The following KIAA1217 variants were observed in gnomAD, a reference collection of about 807,000 sequenced individuals.
The protein encoded by KIAA1217 is KIAA1217.
In KIAA1217, 88 loss-of-function variants were observed where a neutral mutation model predicts 163.9. The observed-to-expected ratio is 0.54, with a 90% CI of 0.45 to 0.64. KIAA1217 has a LOEUF of 0.64. Ranked by LOEUF, KIAA1217 falls within the 30% of genes least tolerant of loss-of-function variation. The pLI is 0.00. For synonymous variants in KIAA1217, 903 were observed against 923.1 expected (o/e 0.98, Z 0.39); for missense variants, 2,372 against 2,475.0 (o/e 0.96, Z 0.88).
At chr10:24,191,220 T>C (rs1468533297) in intron 2 of KIAA1217, among the ~76,000 whole-genome samples, 1 of 152,158 alleles carries the variant, frequency 6.6e-6, no homozygotes, top group Non-Finnish European at 1.5e-5. Context: ...TTGTACCACA[T>C]TGTCTAATTT....
At chr10:24,019,190 A>C (rs1479026720) in intron 2 of KIAA1217, among the ~76,000 whole-genome samples, 1 of 152,124 alleles carries the variant, frequency 6.6e-6, no homozygotes, top group Non-Finnish European at 1.5e-5. Context: ...GAAAAAGTAG[A>C]TTTTAAAATG....
intron 1 of KIAA1217, among the ~76,000 whole-genome samples, chr10:23,803,952 A>C (rs1836610026): frequency 1.3e-5 from 2 of 152,242 alleles, no homozygotes; most frequent in African/African-American, 2.4e-5. Flanking sequence ...TTTATAAAAA[A>C]TCAATAATTT....
intron 3 of KIAA1217, among the ~76,000 whole-genome samples, chr10:24,391,642 G>A (rs1372960364): frequency 1.3e-5 from 2 of 152,078 alleles, no homozygotes; most frequent in African/African-American, 2.4e-5. Flanking sequence ...ACCACACTTG[G>A]CCTAGGTTCT....
intron 1 of KIAA1217, among the ~76,000 whole-genome samples, chr10:23,940,477 A>AG (rs1222098243): frequency 2.7e-5 from 4 of 150,872 alleles, no homozygotes; most frequent in Non-Finnish European, 5.9e-5. Context: ...AAAAAAAAAA[A>AG]AAAAAAAGAA....
intron 1 of KIAA1217, among the ~76,000 whole-genome samples, chr10:23,995,722 T>A (rs11013837): frequency 0.18 from 27,790 of 152,178 alleles, 2,951 homozygotes; most frequent in Middle Eastern, 0.3. Context: ...GAAACAGCAA[T>A]AAAATAATGT....
chr10:24,414,039 C>A (rs1433882096), intron 3 of KIAA1217, among the ~76,000 whole-genome samples: 1 of 152,238 alleles, frequency 6.6e-6, no homozygotes, highest in Non-Finnish European at 1.5e-5. Context: ...TGAAATCCAT[C>A]TTTTACCATA....
At chr10:24,352,340 G>A (rs575065320) in intron 2 of KIAA1217, among the ~76,000 whole-genome samples, 2 of 152,276 alleles carry the variant, frequency 1.3e-5, no homozygotes, top group Admixed American at 6.5e-5. Flanking sequence ...TGGAATAATC[G>A]TGAATATTTT....
chr10:24,080,771 C>G (rs2061511829), intron 2 of KIAA1217, among the ~76,000 whole-genome samples: 1 of 151,714 alleles, frequency 6.6e-6, no homozygotes, highest in South Asian at 2.1e-4. Context: ...ACAGCTTGTT[C>G]TTTCAAGCAT....
At chr10:23,967,929 G>GTC (rs1554832278) in intron 1 of KIAA1217, among the ~76,000 whole-genome samples, 2 of 149,536 alleles carry the variant, frequency 1.3e-5, no homozygotes, top group Non-Finnish European at 3.0e-5. Flanking sequence ...GTGTGTGTGT[G>GTC]TGTGTGTATG....
chr10:24,182,988 A>T (rs959232890), intron 2 of KIAA1217, among the ~76,000 whole-genome samples: 4 of 152,200 alleles, frequency 2.6e-5, no homozygotes, highest in Admixed American at 1.3e-4. Context: ...TAGGTCATAG[A>T]TGCAGATCCC....
chr10:24,501,731 T>TG, intron 9 of KIAA1217, among the ~76,000 whole-genome samples, 186 bp downstream of exon 9: 1 of 23,982 alleles, frequency 4.2e-5, no homozygotes, highest in Non-Finnish European at 7.5e-5. Flanking sequence ...AACCACTTCT[T>TG]TTTTTTTTTT....
intron 2 of KIAA1217, among the ~76,000 whole-genome samples, chr10:24,337,938 C>T (rs1156528825): frequency 1.3e-5 from 2 of 152,152 alleles, no homozygotes; most frequent in Non-Finnish European, 2.9e-5. Context: ...CCACCGCGCC[C>T]GGCCCGTAAA....
rs139814806 is a variant in KIAA1217 at position 24,469,106 on chromosome 10, A to ATATTTTATTTTATTT, written c.847-4114_847-4100dup. ...TCTGGACAGTTCTATACTCTCTAGA[A>ATATTTTATTTTATTT]TATTTTATTTTATTTTATTTTACTT... On this transcript the variant is annotated intron_variant, in intron 5 of 20. Coordinates refer to ENST00000376454, the MANE Select transcript of KIAA1217 (RefSeq NM_019590.5). Among the ~76,000 whole-genome samples the ATATTTTATTTTATTT allele has an allele frequency of 3.4e-4, 52 of 151,720 alleles. 2 individuals are homozygous for ATATTTTATTTTATTT. In the East Asian group the frequency reaches 7.4e-3, roughly 22 times the overall value.
chr10:24,132,643 T>C (rs2131811254), intron 2 of KIAA1217, among the ~76,000 whole-genome samples: 1 of 152,260 alleles, frequency 6.6e-6, no homozygotes, highest in South Asian at 2.1e-4. Flanking sequence ...AATTCCAAAG[T>C]GAGGTACCAG....
At chr10:23,876,532 T>G (rs984366051) in intron 1 of KIAA1217, among the ~76,000 whole-genome samples, 2 of 151,904 alleles carry the variant, frequency 1.3e-5, no homozygotes, top group Non-Finnish European at 2.9e-5. Flanking sequence ...CACCTCCAGT[T>G]TTATATGGTA....
intron 3 of KIAA1217, among the ~76,000 whole-genome samples, chr10:24,385,407 A>T (rs1231218567): frequency 2.0e-5 from 3 of 152,196 alleles, no homozygotes; most frequent in Non-Finnish European, 4.4e-5. Flanking sequence ...CGTCTTAGAC[A>T]TCACTGGTGT....
At chr10:24,317,751 G>A (rs1472794608) in intron 2 of KIAA1217, among the ~76,000 whole-genome samples, 2 of 152,162 alleles carry the variant, frequency 1.3e-5, no homozygotes, top group Admixed American at 6.5e-5. Flanking sequence ...CGGCATTCCT[G>A]TAGACTAAAA....
At chr10:24,036,666 A>T (rs530859037) in intron 2 of KIAA1217, among the ~76,000 whole-genome samples, 2 of 152,298 alleles carry the variant, frequency 1.3e-5, no homozygotes, top group South Asian at 4.1e-4. Flanking sequence ...GGCAAGAGAG[A>T]GAGCAAGAGA....
Position 24,059,787 on chromosome 10 carries a change from G to A in KIAA1217, c.-171+52413G>A, listed in dbSNP as rs533118491. Among the ~76,000 whole-genome samples, 22 of 152,102 alleles carry A rather than the reference G, an allele frequency of 1.4e-4. 1 individual carries two copies. Among genetic ancestry groups the A allele is most frequent in the Admixed American group, 1.1e-3 (17 of 15,256 alleles). On this transcript the variant is annotated intron_variant, in intron 2 of 18. Coordinates refer to the KIAA1217 transcript ENST00000376462. ...AGAGATGGGGTTTCACCATGGTCTC[G>A]ATCTCCTGACCTCACGATCCGCCCA... is the stretch of plus-strand genomic sequence containing the variant.
Sources: gnomAD v4.1 joint callset for allele counts (sites outside exome capture counted in the v4.1 genomes callset) on GRCh38, gnomAD v4.1.1 for gene constraint, MANE v1.5 for transcripts, NCBI Gene and HGNC (gene_info 2026-07-23, HGNC 2026-07-21) for gene names.